Variants in AP3D1 observed in about 807,000 individuals in gnomAD.
AP3D1 encodes AP-3 complex subunit delta-1.
In AP3D1, 51 loss-of-function variants were observed where a neutral mutation model predicts 147.6. The ratio of observed to expected loss-of-function variants is 0.35; its 90% CI spans 0.28 to 0.44. The LOEUF (loss-of-function observed/expected upper bound fraction) is 0.44, where lower values mean the gene tolerates loss of function less well. AP3D1 is among the 20% of genes least tolerant of loss of function. AP3D1 has a pLI of 1.00. For synonymous variants in AP3D1, 760 were observed against 663.0 expected (o/e 1.15, Z -2.25); for missense variants, 1,421 against 1,624.2 (o/e 0.87, Z 2.15).
chr19:2,141,454 T>A (rs1054103114), intron 1 of AP3D1, among the ~76,000 whole-genome samples: 2 of 150,298 alleles, frequency 1.3e-5, no homozygotes, highest in African/African-American at 4.9e-5. Context: ...TTTTTTTTTT[T>A]AATGGAGTCT....
chr19:2,136,944 G>A, intron 4 of AP3D1, 67 bp downstream of exon 4: 1 of 1,440,324 alleles, frequency 6.9e-7, no homozygotes, highest in Non-Finnish European at 9.5e-7. Context: ...ACGCGTGTGG[G>A]AACCAGACGC....
intron 31 of AP3D1, among the ~76,000 whole-genome samples, chr19:2,105,974 G>A (rs2018100536): frequency 1.3e-5 from 2 of 152,180 alleles, no homozygotes; most frequent in South Asian, 2.1e-4. Context: ...GTGGGCACCT[G>A]TAATCCCAAC....
chr19:2,160,360 C>G (rs570933920), intron 1 of AP3D1, among the ~76,000 whole-genome samples: 1 of 152,196 alleles, frequency 6.6e-6, no homozygotes, highest in South Asian at 2.1e-4. Context: ...GAAACCCCAT[C>G]TCTACTAAAA....
At chr19:2,125,650 T>C (rs756324767) in intron 9 of AP3D1, among the ~76,000 whole-genome samples, 1 of 152,092 alleles carries the variant, frequency 6.6e-6, no homozygotes, top group Non-Finnish European at 1.5e-5. Context: ...AAGTAGATGG[T>C]AATTTTTTTT....
At chr19:2,134,261 T>C (rs1014580915) in intron 4 of AP3D1, among the ~76,000 whole-genome samples, 1 of 151,094 alleles carries the variant, frequency 6.6e-6, no homozygotes, top group African/African-American at 2.4e-5. Flanking sequence ...CTACAAAAAA[T>C]ACAAAAAAAA....
chr19:2,125,824 A>C (rs1300850540), intron 9 of AP3D1, among the ~76,000 whole-genome samples: 1 of 143,982 alleles, frequency 6.9e-6, no homozygotes, highest in Non-Finnish European at 1.5e-5. Flanking sequence ...AACTATACCT[A>C]AGTAAAGCTA....
chr19:2,131,862 C>T (rs912189281), intron 5 of AP3D1, among the ~76,000 whole-genome samples: 7 of 150,636 alleles, frequency 4.6e-5, no homozygotes, highest in Non-Finnish European at 1.0e-4. Flanking sequence ...CCATCGGCCA[C>T]GATCTAGACA....
At chr19:2,130,872 G>A (rs1158743364) in intron 5 of AP3D1, among the ~76,000 whole-genome samples, 1 of 152,226 alleles carries the variant, frequency 6.6e-6, no homozygotes, top group African/African-American at 2.4e-5. Context: ...AGCTCCTCAC[G>A]GCTGTGCCCT....
intron 15 of AP3D1, 68 bp from the exon 16 acceptor site, chr19:2,117,435 G>T: frequency 1.4e-6 from 2 of 1,478,006 alleles, no homozygotes; most frequent in East Asian, 2.5e-5. Context: ...TCAGGGACAC[G>T]GGGTGGCTCA....
chr19:2,123,825 C>T lies in AP3D1; in HGVS notation c.906+5G>A, dbSNP rs372792845. The stretch of plus-strand genomic sequence containing the variant: ...CCCATGGGCCCCGCCCAGTGCGGGA[C>T]GTACCTGGATGCTGGCGCTGTGGTT... On this transcript the variant is annotated splice_donor_5th_base_variant and intron_variant, in intron 10 of 31. Coordinates refer to ENST00000643116, the MANE Select transcript of AP3D1 (RefSeq NM_001261826.3). 9.6e-6 allele frequency: 15 copies of T among 1,570,362 alleles called. No homozygotes were observed. Among genetic ancestry groups the T allele is most frequent in the African/African-American group, 8.1e-5 (6 of 73,764 alleles).
chr19:2,103,143 AC>A (rs1376724039), intron 31 of AP3D1, among the ~76,000 whole-genome samples: 1 of 152,098 alleles, frequency 6.6e-6, no homozygotes, highest in Non-Finnish European at 1.5e-5. Context: ...TAAAAAACAA[AC>A]AAAAAAACAC....
At chr19:2,150,962 C>A (rs1243978160) in intron 1 of AP3D1, among the ~76,000 whole-genome samples, 2 of 152,220 alleles carry the variant, frequency 1.3e-5, no homozygotes, top group African/African-American at 4.8e-5. Context: ...CAGGGCATTG[C>A]ATTTTGAACA....
At chr19:2,151,120 G>C (rs1332614279) in intron 1 of AP3D1, 119 bp downstream of exon 1, 7 of 934,348 alleles carry the variant, frequency 7.5e-6, no homozygotes, top group Non-Finnish European at 1.1e-5. Flanking sequence ...CCCTAAGCGG[G>C]ACCTCCAACT....
At chr19:2,159,725 G>T (rs1446573286) in intron 1 of AP3D1, among the ~76,000 whole-genome samples, 1 of 149,542 alleles carries the variant, frequency 6.7e-6, no homozygotes, top group African/African-American at 2.5e-5. Flanking sequence ...TTTTGAGACG[G>T]AGTCTTGTTC....
intron 11 of AP3D1, among the ~76,000 whole-genome samples, chr19:2,122,207 CCAG>C (rs3831628): frequency 0.3 from 45,443 of 151,018 alleles, 7,761 homozygotes; most frequent in African/African-American, 0.47. Context: ...AGAAGACTTT[CCAG>C]CAGCAGCAGC....
Position 2,102,152 on chromosome 19 carries a change from T to C in AP3D1, c.*21A>G. On this transcript the variant is annotated 3_prime_UTR_variant, in exon 32 of 32. Transcript: ENST00000643116. ...CCTGGGTACGTGCTCCGCGGGGTGG[T>C]GCGGGGCTCGCAGGCAGCTCTCAAC... 6.3e-7 allele frequency: 1 copy of C among 1,598,846 alleles called. No individual in the cohort carries two copies. Among genetic ancestry groups the C allele is most frequent in the South Asian group, 1.1e-5 (1 of 90,740 alleles).
intron 1 of AP3D1, among the ~76,000 whole-genome samples, chr19:2,145,121 A>C (rs2019323221): frequency 6.6e-6 from 1 of 152,228 alleles, no homozygotes; most frequent in African/African-American, 2.4e-5. Flanking sequence ...AAAGAAAGGA[A>C]CCACCTTGGC....
Position 2,117,371 on chromosome 19 carries a change from TG to T in AP3D1, c.1714-5del, listed in dbSNP as rs774537720. The stretch of plus-strand genomic sequence containing the variant: ...CCAGCTGCAGGATGCAGGACGCCTG[TG>T]GGGGACACAGGGGTCACTGCTGGCA... On this transcript the variant is annotated splice_polypyrimidine_tract_variant and splice_region_variant and intron_variant, in intron 15 of 31. Transcript: ENST00000643116. 3 of 1,594,194 alleles carry T rather than the reference TG, an allele frequency of 1.9e-6. No homozygotes were observed. The highest frequency in any genetic ancestry group is 2.3e-5 in the East Asian group (1 of 44,194).
At chr19:2,136,960 C>T (rs1267466576) in intron 4 of AP3D1, 51 bp downstream of exon 4, 2 of 1,511,884 alleles carry the variant, frequency 1.3e-6, no homozygotes, top group African/African-American at 2.8e-5. Context: ...GACGCTCCGG[C>T]AAGGGCAGAC....
Sources: gnomAD v4.1 joint callset for allele counts (sites outside exome capture counted in the v4.1 genomes callset) on GRCh38, gnomAD v4.1.1 for gene constraint, MANE v1.5 for transcripts, NCBI Gene and HGNC (gene_info 2026-07-23, HGNC 2026-07-21) for gene names.